Variants in PSPH observed in about 807,000 individuals in gnomAD.
PSPH encodes the protein phosphoserine phosphatase, also known as L-3-phosphoserine phosphatase.
A neutral mutation model predicts 23.4 loss-of-function variants in PSPH; 16 were observed. That is an observed-to-expected ratio of 0.68 (90% CI 0.46 to 1.04). PSPH has a LOEUF of 1.04. PSPH is among the 50% of genes least tolerant of loss of function. The pLI is 0.00. For missense variants in PSPH, 223 were observed against 273.7 expected (o/e 0.81, Z 1.31); for synonymous variants, 68 against 99.7 (o/e 0.68, Z 1.89).
chr7:56,050,725 T>C (rs763531695), intron 1 of PSPH, among the ~76,000 whole-genome samples: 1 of 152,224 alleles, frequency 6.6e-6, no homozygotes, highest in Admixed American at 6.5e-5. Flanking sequence ...TATATTCATA[T>C]GTAAGTTTAT....
chr7:56,042,997 G>A (rs1792752486), intron 1 of PSPH, among the ~76,000 whole-genome samples: 3 of 152,198 alleles, frequency 2.0e-5, no homozygotes, highest in African/African-American at 7.2e-5. Context: ...GCGGGGTGCA[G>A]TGGCTCACGC....
intron 7 of PSPH, among the ~76,000 whole-genome samples, chr7:56,013,361 T>C (rs961213050): frequency 1.3e-5 from 2 of 150,196 alleles, no homozygotes; most frequent in Non-Finnish European, 3.0e-5. Context: ...CTACAAAACA[T>C]AAACAAAATT....
chr7:56,049,573 G>A (rs1186067723), intron 1 of PSPH, among the ~76,000 whole-genome samples: 1 of 151,858 alleles, frequency 6.6e-6, no homozygotes, highest in African/African-American at 2.4e-5. Context: ...CGAGGAACTG[G>A]GATTACAGGC....
intron 1 of PSPH, among the ~76,000 whole-genome samples, chr7:56,039,148 C>CAAA (rs34620559): frequency 1.8e-5 from 1 of 56,628 alleles, no homozygotes; most frequent in Admixed American, 1.9e-4. Flanking sequence ...AACTCTGTCT[C>CAAA]AAAAAAAAAA....
Position 56,042,219 on chromosome 7 carries a change from A to C in PSPH, c.-291-8113T>G, listed in dbSNP as rs1301995567. Among the ~76,000 whole-genome samples the C allele has an allele frequency of 2.6e-5, 3 of 113,464 alleles. No individual in the cohort carries two copies. In the South Asian group the frequency reaches 8.4e-4, roughly 32 times the overall value. The allele number at this position is 113,464 out of a possible 152,430, so 74.4% of individuals were successfully genotyped here. Reference sequence around the variant, plus strand: ...GGGCGACAGAGCGAGATTCTGTCTCAAAAAAAAAAAAAAAAAAATCTGTCT... The same window carrying C: ...GGGCGACAGAGCGAGATTCTGTCTCCAAAAAAAAAAAAAAAAAATCTGTCT... On this transcript the variant is annotated intron_variant, in intron 1 of 7. Coordinates refer to ENST00000275605, the MANE Select transcript of PSPH (RefSeq NM_004577.4).
chr7:56,031,827 C>G (rs1791037496), intron 3 of PSPH, 102 bp downstream of exon 3: 1 of 153,316 alleles, frequency 6.5e-6, no homozygotes, highest in Admixed American at 6.6e-5. Flanking sequence ...AAAGAGTAAA[C>G]TGCTAGCAGA....
chr7:56,049,316 G>C (rs1322016576), intron 1 of PSPH, among the ~76,000 whole-genome samples: 1 of 152,134 alleles, frequency 6.6e-6, no homozygotes, highest in East Asian at 1.9e-4. Flanking sequence ...GTCCCAGTGT[G>C]TGATGTTCCC....
chr7:56,049,773 CT>C (rs1457853646), intron 1 of PSPH, among the ~76,000 whole-genome samples: 1 of 148,394 alleles, frequency 6.7e-6, no homozygotes, highest in Non-Finnish European at 1.5e-5. Context: ...AGGAATCTCG[CT>C]CTGTTGCCCA....
intron 1 of PSPH, among the ~76,000 whole-genome samples, chr7:56,036,819 C>G (rs936632426): frequency 6.6e-6 from 1 of 151,986 alleles, no homozygotes; most frequent in African/African-American, 2.4e-5. Context: ...TGGTCACATA[C>G]AAGTGTAACA....
At chr7:56,018,528 A>C (rs1221755866) in intron 5 of PSPH, among the ~76,000 whole-genome samples, 1 of 152,138 alleles carries the variant, frequency 6.6e-6, no homozygotes, top group Non-Finnish European at 1.5e-5. Context: ...TGGCCAGACA[A>C]GACCACGTGT....
At chr7:56,030,500 C>G (rs185428682) in intron 3 of PSPH, among the ~76,000 whole-genome samples, 3 of 152,184 alleles carry the variant, frequency 2.0e-5, no homozygotes, top group Admixed American at 2.0e-4. Context: ...AGCTGGAGGC[C>G]GTTATCCTAA....
chr7:56,039,559 C>T (rs909294799), intron 1 of PSPH, among the ~76,000 whole-genome samples: 11 of 151,768 alleles, frequency 7.2e-5, no homozygotes, highest in Admixed American at 2.0e-4. Flanking sequence ...AGGCAGATCA[C>T]GATGTCAGGA....
intron 1 of PSPH, among the ~76,000 whole-genome samples, chr7:56,036,563 A>C (rs1791753830): frequency 6.6e-6 from 1 of 151,810 alleles, no homozygotes; most frequent in South Asian, 2.1e-4. Flanking sequence ...CAGGATTTCG[A>C]GGTTACAGTG....
At chr7:56,050,034 C>G (rs929053537) in intron 1 of PSPH, among the ~76,000 whole-genome samples, 2 of 152,024 alleles carry the variant, frequency 1.3e-5, no homozygotes, top group African/African-American at 4.8e-5. Flanking sequence ...CCATGCTTGG[C>G]CTCCTCATAA....
At chr7:56,022,688 T>G (rs1789634384) in intron 3 of PSPH, among the ~76,000 whole-genome samples, 1 of 152,202 alleles carries the variant, frequency 6.6e-6, no homozygotes, top group Admixed American at 6.6e-5. Context: ...AGAAAAAAGG[T>G]CAGAGCTAAA....
At chr7:56,027,956 G>A (rs575080508) in intron 3 of PSPH, among the ~76,000 whole-genome samples, 1 of 148,158 alleles carries the variant, frequency 6.7e-6, no homozygotes, top group East Asian at 2.0e-4. Flanking sequence ...ATAGTCAAGA[G>A]CCTGTGGTGG....
intron 1 of PSPH, among the ~76,000 whole-genome samples, chr7:56,041,405 G>T (rs188975858): frequency 2.0e-4 from 31 of 151,686 alleles, no homozygotes; most frequent in South Asian, 6.3e-4. Context: ...TAGAGATGGG[G>T]TTTCACCATG....
At chr7:56,028,642 T>G (rs940958060) in intron 3 of PSPH, among the ~76,000 whole-genome samples, 1 of 152,048 alleles carries the variant, frequency 6.6e-6, no homozygotes, top group Non-Finnish European at 1.5e-5. Flanking sequence ...ACTCTGCCCA[T>G]GAAACGGTCA....
intron 1 of PSPH, among the ~76,000 whole-genome samples, chr7:56,044,338 C>T (rs915398929): frequency 2.6e-5 from 4 of 152,056 alleles, no homozygotes; most frequent in African/African-American, 9.7e-5. Flanking sequence ...CAAGCAAGAG[C>T]ATTGAGTGTA....
Sources: allele counts gnomAD v4.1 joint callset (sites outside exome capture counted in the v4.1 genomes callset), GRCh38; gene constraint gnomAD v4.1.1; transcripts MANE v1.5; gene names NCBI Gene and HGNC (gene_info 2026-07-23, HGNC 2026-07-21).